The following SLC7A2 variants were observed in gnomAD, a reference collection of about 807,000 sequenced individuals.
SLC7A2 encodes the protein cationic amino acid transporter 2.
SLC7A2 carries 48 observed loss-of-function variants against 58.9 expected under a neutral mutation model. The ratio of observed to expected loss-of-function variants is 0.82; its 90% CI spans 0.65 to 1.04. The LOEUF is 1.04. SLC7A2 is among the 50% of genes least tolerant of loss of function. SLC7A2 has a pLI of 0.00. For synonymous variants in SLC7A2, 363 were observed against 314.5 expected, an observed-to-expected ratio of 1.15 and a Z score of -1.63; for missense variants, 1,029 against 818.8, an observed-to-expected ratio of 1.26 and a Z score of -3.13.
chr8:17,529,900 T>C (rs1801372146), intron 2 of SLC7A2, among the ~76,000 whole-genome samples: 2 of 152,154 alleles, frequency 1.3e-5, no homozygotes, highest in African/African-American at 4.8e-5. Flanking sequence ...CCTTCCCTTG[T>C]GTTAGGCTGG....
chr8:17,525,551 C>T (rs1033127030), intron 2 of SLC7A2, among the ~76,000 whole-genome samples: 6 of 152,186 alleles, frequency 3.9e-5, no homozygotes, highest in South Asian at 2.1e-4. Context: ...GTAGGAGTGG[C>T]GAGTCCTGAG....
rs910862811 is a variant in SLC7A2, at chr8:17,562,164, A to C, written c.1671+54A>C. On this transcript the variant is annotated intron_variant, in intron 11 of 12. Transcript: ENST00000494857. ...AATACTGTATTCATTTTCTCTGTAT[A>C]ATTAGTTTGGTAAGTATTTTTTTTT... 5.3e-5 allele frequency: 52 copies of C among 982,226 alleles called. 2 individuals carry two copies. The highest frequency in any genetic ancestry group is 7.0e-5 in the Non-Finnish European group (49 of 701,486). The allele number at this position is 982,226 out of a possible 1,614,324, so 60.8% of individuals were successfully genotyped here.
Position 17,538,888 on chromosome 8 carries a change from C to T in SLC7A2, c.-22-4430C>T. ...AATTTGTCGAGGGTTTATTGGAACACCTGCCCCACCGGTTTGCGACAGCAA... is the reference window on the plus strand; with the variant it reads ...AATTTGTCGAGGGTTTATTGGAACATCTGCCCCACCGGTTTGCGACAGCAA... On this transcript the variant is annotated intron_variant, in intron 2 of 12. Coordinates refer to ENST00000494857, the MANE Select transcript of SLC7A2 (RefSeq NM_001370338.1). 1 of 1,613,778 alleles carries T rather than the reference C, an allele frequency of 6.2e-7. No individual in the cohort carries two copies. The highest frequency in any genetic ancestry group is 8.5e-7 in the Non-Finnish European group (1 of 1,179,700).
At chr8:17,544,313 A>G (rs1049130502) in intron 3 of SLC7A2, 138 bp from the exon 4 acceptor site, 2 of 605,922 alleles carry the variant, frequency 3.3e-6, no homozygotes, top group Admixed American at 3.0e-5. Flanking sequence ...CTGTATGATT[A>G]TAAATATCCA....
chr8:17,497,050 C>G (rs1206022901), upstream of SLC7A2: 1 of 150,710 alleles, frequency 6.6e-6, no homozygotes, highest in Non-Finnish European at 1.5e-5. Flanking sequence ...CGCCCCCGCC[C>G]CGGGTGGCTA....
chr8:17,559,566 C>CA (rs978076293), intron 9 of SLC7A2, among the ~76,000 whole-genome samples: 24 of 150,154 alleles, frequency 1.6e-4, no homozygotes, highest in East Asian at 3.9e-4. Context: ...AACTCTGTCT[C>CA]AAAAAAAAAC....
chr8:17,565,351 A>G lies in SLC7A2; in HGVS notation c.*205A>G, dbSNP rs556520512. On this transcript the variant is annotated 3_prime_UTR_variant, in exon 13 of 13. Transcript: ENST00000494857. ...AACCTCCTGAGTGGAAGTTTCATTCATCAGTGATGAATAGCCCCCAAACAG... is the reference window on the plus strand; with the variant it reads ...AACCTCCTGAGTGGAAGTTTCATTCGTCAGTGATGAATAGCCCCCAAACAG... 1.1e-5 allele frequency: 6 copies of G among 550,058 alleles called. No individual in the cohort carries two copies. The Admixed American group carries it at 1.8e-4, about 16-fold the overall frequency. The allele number at this position is 550,058 out of a possible 1,614,324, so 34.1% of individuals were successfully genotyped here. A position where few individuals can be genotyped will look rare whatever the true frequency, so the allele number is the denominator to read the frequency against.
At chr8:17,545,299 G>T (rs560184754) in intron 4 of SLC7A2, among the ~76,000 whole-genome samples, 1 of 150,908 alleles carries the variant, frequency 6.6e-6, no homozygotes, top group Non-Finnish European at 1.5e-5. Context: ...TAGCCTTCTC[G>T]TTTGGTTCCT....
At chr8:17,550,215 C>G in intron 5 of SLC7A2, 86 bp from the exon 6 acceptor site, 1 of 1,278,314 alleles carries the variant, frequency 7.8e-7, no homozygotes. Context: ...ACACAACCAC[C>G]TTCCAAGGAT....
intron 2 of SLC7A2, among the ~76,000 whole-genome samples, chr8:17,533,119 G>A (rs1462388025): frequency 6.6e-6 from 1 of 152,048 alleles, no homozygotes; most frequent in Non-Finnish European, 1.5e-5. Context: ...CCTTTTAATT[G>A]CTTTCTCTGA....
rs1368319426 is a variant in SLC7A2 at position 17,560,530 on chromosome 8, C to G, written c.1501C>G (p.Leu501Val). ...TCTCGTGAGCTTTCTGGTAGGATTC[C>G]TAGGTAAGTCTTCTTCTCTGCTTAC... ...ASLVSFLVGF[L>V]AFLVLGLSVL... The change falls in exon 10 of 13, where the codon CTA (leucine) becomes GTA (valine). Residue 501 changes from leucine to valine, a missense_variant. Leu to Val is a conservative substitution (Grantham distance 32). Transcript: ENST00000494857. 3 of 1,612,138 alleles carry G rather than the reference C, an allele frequency of 1.9e-6. No individual in the cohort carries two copies. Among genetic ancestry groups the G allele is most frequent in the Admixed American group, 1.7e-5 (1 of 59,996 alleles).
chr8:17,518,014 G>C (rs142379848), intron 2 of SLC7A2, among the ~76,000 whole-genome samples: 100 of 152,198 alleles, frequency 6.6e-4, no homozygotes, highest in African/African-American at 2.2e-3. Context: ...TTTCTCCTGA[G>C]GTGGTTGTGA....
intron 2 of SLC7A2, among the ~76,000 whole-genome samples, chr8:17,537,515 T>C (rs17124777): frequency 6.6e-6 from 1 of 152,164 alleles, no homozygotes; most frequent in East Asian, 1.9e-4. Context: ...CCTTTGACTG[T>C]TTAACCCTGA....
At chr8:17,558,236 A>C (rs1022679213) in intron 8 of SLC7A2, 59 bp from the exon 9 acceptor site, 69 of 1,069,062 alleles carry the variant, frequency 6.5e-5, no homozygotes, top group Non-Finnish European at 4.5e-5. Flanking sequence ...GAACGTTAGT[A>C]ACTGTATGGA....
At chr8:17,500,075 G>T (rs1020659384) in intron 1 of SLC7A2, 6 of 152,186 alleles carry the variant, frequency 3.9e-5, no homozygotes, top group African/African-American at 1.2e-4. Context: ...AAAGTAATGT[G>T]TAACTCCGGT....
intron 2 of SLC7A2, chr8:17,538,824 A>G (rs2150729422): frequency 1.2e-6 from 2 of 1,613,736 alleles, no homozygotes; most frequent in East Asian, 2.2e-5. Context: ...TAGCAACTGG[A>G]ATGAAGATAG....
At chr8:17,538,665 A>T (rs1339256117) in intron 2 of SLC7A2, 3 of 695,986 alleles carry the variant, frequency 4.3e-6, no homozygotes, top group East Asian at 3.0e-5. Context: ...GAACTTTAAC[A>T]TTGTAGAAAC....
chr8:17,566,295 A>G lies in SLC7A2; in HGVS notation c.*1149A>G, dbSNP rs1408148689. On this transcript the variant is annotated 3_prime_UTR_variant, in exon 13 of 13. Coordinates refer to ENST00000494857, the MANE Select transcript of SLC7A2 (RefSeq NM_001370338.1). ...TGAGGGGGCTACAGCAGCATCATGC[A>G]AAGAGGGAAAGATGAAGGGATAGAA... The G allele has an allele frequency of 6.6e-6, 1 of 152,188 alleles. No individual in the cohort carries two copies. Among genetic ancestry groups the G allele is most frequent in the Non-Finnish European group, 1.5e-5 (1 of 68,034 alleles). 9.4% of individuals were successfully genotyped at this position (152,188 alleles called of 1,614,324 possible).
chr8:17,496,850 C>T (rs572937105), upstream of SLC7A2, among the ~76,000 whole-genome samples: 1 of 152,068 alleles, frequency 6.6e-6, no homozygotes, highest in Non-Finnish European at 1.5e-5. Context: ...CTTCCCCGGC[C>T]CGCGCCCACC....
Sources: allele counts gnomAD v4.1 joint callset (sites outside exome capture counted in the v4.1 genomes callset), GRCh38; gene constraint gnomAD v4.1.1; transcripts MANE v1.5; gene names NCBI Gene and HGNC (gene_info 2026-07-23, HGNC 2026-07-21).